Variants in FOXP1 observed in about 807,000 individuals in gnomAD.
FOXP1 encodes the protein forkhead box protein P1.
A neutral mutation model predicts 98.2 loss-of-function variants in FOXP1; 15 were observed. That is an observed-to-expected ratio of 0.15 (90% CI 0.10 to 0.24). The LOEUF (loss-of-function observed/expected upper bound fraction) is 0.24. FOXP1 is among the 10% of genes least tolerant of loss of function. FOXP1 has a pLI of 1.00. For missense variants in FOXP1, 633 were observed against 848.5 expected (o/e 0.75, Z 3.15); for synonymous variants, 371 against 314.5 (o/e 1.18, Z -1.90).
chr3:71,261,305 C>T (rs2069115884), intron 5 of FOXP1, among the ~76,000 whole-genome samples: 1 of 151,810 alleles, frequency 6.6e-6, no homozygotes. Flanking sequence ...AACATAATAT[C>T]AAATACATTA....
intron 6 of FOXP1, among the ~76,000 whole-genome samples, chr3:71,192,270 C>T (rs1257266355): frequency 6.6e-6 from 1 of 152,190 alleles, no homozygotes; most frequent in African/African-American, 2.4e-5. Context: ...ACGGCCAATC[C>T]AGCCATTGCT....
chr3:71,087,408 G>A (rs11128205), intron 7 of FOXP1, among the ~76,000 whole-genome samples: 24,319 of 152,188 alleles, frequency 0.16, 2,703 homozygotes, highest in East Asian at 0.46. Context: ...GCAACATATT[G>A]ATGTAAACGG....
At chr3:71,572,997 C>T (rs561446815) in intron 2 of FOXP1, among the ~76,000 whole-genome samples, 77 of 152,274 alleles carry the variant, frequency 5.1e-4, no homozygotes, top group African/African-American at 1.6e-3. Context: ...TTCAGTAATT[C>T]GGACACTGGT....
intron 3 of FOXP1, among the ~76,000 whole-genome samples, chr3:71,431,517 C>A (rs1294441970): frequency 6.6e-6 from 1 of 152,116 alleles, no homozygotes; most frequent in African/African-American, 2.4e-5. Flanking sequence ...AGATAGAAAA[C>A]CTGAGGGTCC....
chr3:71,121,674 G>T lies in FOXP1; in HGVS notation c.181-9037C>A, dbSNP rs191280809. ...CCAAGCCTGAGCCTGTTTAGCTCAC[G>T]AGAGCTGACAAGATCACAGCCTAGG... is the stretch of plus-strand genomic sequence containing the variant. On this transcript the variant is annotated intron_variant, in intron 6 of 20. Coordinates refer to ENST00000649528, the MANE Select transcript of FOXP1 (RefSeq NM_001349338.3). Among the ~76,000 whole-genome samples, 927 of 152,266 alleles carry T rather than the reference G, an allele frequency of 6.1e-3. 9 individuals are homozygous for T. Among genetic ancestry groups the T allele is most frequent in the Admixed American group, 0.017 (259 of 15,292 alleles).
chr3:71,176,211 G>T (rs1449263752), intron 6 of FOXP1, among the ~76,000 whole-genome samples: 1 of 152,124 alleles, frequency 6.6e-6, no homozygotes, highest in East Asian at 1.9e-4. Flanking sequence ...CAGCTGTTTG[G>T]GGCACCTGGA....
chr3:71,226,061 G>A (rs2065810215), intron 5 of FOXP1, among the ~76,000 whole-genome samples: 1 of 152,214 alleles, frequency 6.6e-6, no homozygotes, highest in African/African-American at 2.4e-5. Flanking sequence ...AGAGACAGGG[G>A]CAGAGAAAAA....
chr3:71,362,585 T>C (rs2078647636), intron 3 of FOXP1, among the ~76,000 whole-genome samples: 1 of 152,196 alleles, frequency 6.6e-6, no homozygotes, highest in South Asian at 2.1e-4. Flanking sequence ...TCCTCCCACC[T>C]CAGCCTCCCA....
At chr3:71,515,023 A>C (rs990794227) in intron 2 of FOXP1, among the ~76,000 whole-genome samples, 1 of 152,232 alleles carries the variant, frequency 6.6e-6, no homozygotes, top group African/African-American at 2.4e-5. Context: ...TTTTTATAGA[A>C]GTCAAAATTT....
intron 2 of FOXP1, among the ~76,000 whole-genome samples, chr3:71,579,076 T>C (rs1030583101): frequency 1.3e-5 from 2 of 152,220 alleles, no homozygotes; most frequent in African/African-American, 4.8e-5. Flanking sequence ...ACAAAAAATA[T>C]ATAAACTGCT....
intron 11 of FOXP1, among the ~76,000 whole-genome samples, chr3:71,032,900 T>C (rs2047062892): frequency 6.6e-6 from 1 of 152,174 alleles, no homozygotes; most frequent in African/African-American, 2.4e-5. Context: ...TGACTTCCCT[T>C]TGCACTTTTG....
chr3:71,303,307 C>T (rs1002727974), intron 4 of FOXP1, among the ~76,000 whole-genome samples: 2 of 152,064 alleles, frequency 1.3e-5, no homozygotes, highest in African/African-American at 4.8e-5. Flanking sequence ...TATTGTGTAC[C>T]AGTCTTAATA....
At chr3:71,437,809 C>CA (rs563833060) in intron 3 of FOXP1, among the ~76,000 whole-genome samples, 1 of 152,064 alleles carries the variant, frequency 6.6e-6, no homozygotes, top group East Asian at 1.9e-4. Context: ...AGACCCAAAC[C>CA]AAAAAAATGA....
chr3:71,433,541 A>G lies in FOXP1; in HGVS notation c.-168+59885T>C, dbSNP rs2084928131. 2.0e-5 allele frequency among the ~76,000 whole-genome samples: 3 copies of G among 152,234 alleles called. No homozygotes were observed. In the South Asian group the frequency reaches 6.2e-4, roughly 31 times the overall value. On this transcript the variant is annotated intron_variant, in intron 3 of 20. Transcript: ENST00000649528. ...AGAGGGCAGGCAGGGGAGACTTTGAATAATCTCAGATTGTGCAAGGGGGAA... is the reference window on the plus strand; with the variant it reads ...AGAGGGCAGGCAGGGGAGACTTTGAGTAATCTCAGATTGTGCAAGGGGGAA...
At chr3:71,101,075 G>T (rs2056914876) in intron 7 of FOXP1, among the ~76,000 whole-genome samples, 1 of 152,148 alleles carries the variant, frequency 6.6e-6, no homozygotes, top group Non-Finnish European at 1.5e-5. Flanking sequence ...CTAGAATAAG[G>T]TGGCAGCAGG....
chr3:71,523,650 G>A (rs574897314), intron 2 of FOXP1, among the ~76,000 whole-genome samples: 27 of 152,134 alleles, frequency 1.8e-4, no homozygotes, highest in Admixed American at 2.0e-4. Flanking sequence ...TCCTAATTGT[G>A]TATTTTCCTT....
chr3:71,159,263 G>A (rs2061014450), intron 6 of FOXP1, among the ~76,000 whole-genome samples: 1 of 152,052 alleles, frequency 6.6e-6, no homozygotes, highest in Admixed American at 6.6e-5. Flanking sequence ...TCCAGAGAAG[G>A]GCAAGTAAAA....
chr3:71,183,362 A>G (rs1344444151), intron 6 of FOXP1, among the ~76,000 whole-genome samples: 4 of 152,032 alleles, frequency 2.6e-5, no homozygotes, highest in Non-Finnish European at 5.9e-5. Flanking sequence ...GCTGGGCAAT[A>G]GTGGCGCGAG....
At chr3:71,103,042 T>G (rs2057107731) in intron 7 of FOXP1, among the ~76,000 whole-genome samples, 1 of 152,222 alleles carries the variant, frequency 6.6e-6, no homozygotes, top group Non-Finnish European at 1.5e-5. Context: ...CTATTATCTT[T>G]CTGGGACTCA....
Sources: allele counts gnomAD v4.1 joint callset (sites outside exome capture counted in the v4.1 genomes callset), GRCh38; gene constraint gnomAD v4.1.1; transcripts MANE v1.5; gene names NCBI Gene and HGNC (gene_info 2026-07-23, HGNC 2026-07-21).